Variants in DNAJB1 observed in about 807,000 individuals in gnomAD.
The protein encoded by DNAJB1 is dnaJ homolog subfamily B member 1.
Under a neutral mutation model 24.0 loss-of-function variants are expected in DNAJB1, and 14 were observed. That is an observed-to-expected ratio of 0.58 (90% CI 0.39 to 0.91). The LOEUF (loss-of-function observed/expected upper bound fraction) is 0.91. Among genes scored for constraint, DNAJB1 ranks in the 40% least tolerant of loss-of-function variants. The pLI is 0.00. For missense variants in DNAJB1, 517 were observed against 458.1 expected (o/e 1.13, Z -1.17); for synonymous variants, 262 against 174.4 (o/e 1.50, Z -3.96).
At chr19:14,556,324 C>G (rs1677013860) in intron 1 of DNAJB1, among the ~76,000 whole-genome samples, 1 of 152,002 alleles carries the variant, frequency 6.6e-6, no homozygotes, top group South Asian at 2.1e-4. Flanking sequence ...TCTCTGACCA[C>G]TCTCAAATGG....
At chr19:14,540,474 C>A (rs537407639) in intron 1 of DNAJB1, among the ~76,000 whole-genome samples, 2 of 151,910 alleles carry the variant, frequency 1.3e-5, no homozygotes, top group African/African-American at 4.8e-5. Context: ...CTCTCTGCAA[C>A]CTCTGCGTCT....
At chr19:14,523,614 G>GTTTTTTT (rs1260679879) in intron 2 of DNAJB1, among the ~76,000 whole-genome samples, 2 of 138,404 alleles carry the variant, frequency 1.4e-5, no homozygotes, top group African/African-American at 5.6e-5. Context: ...ACCCGGCCTT[G>GTTTTTTT]TTTTTGTTTT....
At chr19:14,522,522 C>T (rs1475518567), upstream of DNAJB1, among the ~76,000 whole-genome samples, 1 of 148,588 alleles carries the variant, frequency 6.7e-6, no homozygotes, top group Non-Finnish European at 1.5e-5. Context: ...ACACTGAAAG[C>T]AAACACTGAG....
upstream of DNAJB1, among the ~76,000 whole-genome samples, chr19:14,560,292 A>T (rs933725874): frequency 1.3e-5 from 2 of 152,118 alleles, no homozygotes; most frequent in South Asian, 4.1e-4. Context: ...TTGTATTTTA[A>T]GCTGTTGAGT....
At position 14,516,859 on chromosome 19, in the gene DNAJB1, G is replaced by A. The variant is rs1568380125; in HGVS notation, c.399C>T (p.Gly133=). ...EGMDIDDPFS[G]FPMGMGGFTN... ...TGAAGCCACCCATGCCCATAGGGAA[G>A]CCAGAGAATGGGTCATCAATGTCCA... The change falls in exon 2 of 3, where the codon GGC becomes GGT. Residue 133 remains glycine, a synonymous_variant. Coordinates refer to ENST00000254322, the MANE Select transcript of DNAJB1 (RefSeq NM_006145.3). 6.2e-7 allele frequency: 1 copy of A among 1,614,110 alleles called. No individual in the cohort carries two copies. Among genetic ancestry groups the A allele is most frequent in the Non-Finnish European group, 8.5e-7 (1 of 1,180,036 alleles).
At chr19:14,542,662 C>T (rs897013545) in intron 1 of DNAJB1, among the ~76,000 whole-genome samples, 1 of 152,122 alleles carries the variant, frequency 6.6e-6, no homozygotes, top group Non-Finnish European at 1.5e-5. Context: ...TGCACCTGCC[C>T]ACCATGGTGT....
At chr19:14,539,711 C>T (rs1462810661) in intron 1 of DNAJB1, among the ~76,000 whole-genome samples, 1 of 152,126 alleles carries the variant, frequency 6.6e-6, no homozygotes, top group Non-Finnish European at 1.5e-5. Flanking sequence ...GATGCCCTTC[C>T]CTCTGCTTTC....
In DNAJB1 at chr19:14,515,755, C is replaced by G. The variant is rs376590719; in HGVS notation, c.*185G>C. ...TCCCACCACCTGATGCCCTATAGCT[C>G]GAAAAACCACTGAAGTCTAGTGTGC... On this transcript the variant is annotated 3_prime_UTR_variant, in exon 3 of 3. Coordinates refer to ENST00000254322, the MANE Select transcript of DNAJB1 (RefSeq NM_006145.3). 1,255 of 600,454 alleles carry G rather than the reference C, an allele frequency of 2.1e-3. 27 individuals are homozygous for G. The South Asian group carries it at 0.027, about 13-fold the overall frequency. 37.2% of individuals were successfully genotyped at this position (600,454 alleles called of 1,614,324 possible).
At chr19:14,547,963 CTTTTT>C (rs1043298294) in intron 1 of DNAJB1, among the ~76,000 whole-genome samples, 1 of 125,672 alleles carries the variant, frequency 8.0e-6, no homozygotes. Flanking sequence ...ATGGGCATTT[CTTTTT>C]TTTTTTTTTT....
In DNAJB1 at chr19:14,543,419, ATTTTTTTTTTTTTTTTTTT is replaced by A. The variant is rs1169742953; in HGVS notation, c.-214+6770_-214+6788del. 7.7e-3 allele frequency among the ~76,000 whole-genome samples: 169 copies of A among 21,818 alleles called. 4 individuals carry two copies. The highest frequency in any genetic ancestry group is 0.011 in the African/African-American group (43 of 4,060). 14.3% of individuals were successfully genotyped at this position (21,818 alleles called of 152,430 possible). A position where few individuals can be genotyped will look rare whatever the true frequency, so the allele number is the denominator to read the frequency against. On this transcript the variant is annotated intron_variant, in intron 1 of 3. Coordinates refer to the DNAJB1 transcript ENST00000676982. ...TATATATATATATATATATATATAT[ATTTTTTTTTTTTTTTTTTT>A]TTTTTTTTTTTTTTTTTTGAGACGG...
In DNAJB1 at chr19:14,516,384, A is replaced by G. The variant is rs569851406; in HGVS notation, c.792+82T>C. ...AAGCCTGGCACGCACCACACACCCC[A>G]ACACATTGGTTCAGCAAATACTAAA... is the stretch of plus-strand genomic sequence containing the variant. On this transcript the variant is annotated intron_variant, in intron 2 of 2. Transcript: ENST00000254322. 4 of 1,472,604 alleles carry G rather than the reference A, an allele frequency of 2.7e-6. No homozygotes were observed. The South Asian group carries it at 3.7e-5, about 14-fold the overall frequency. The allele number at this position is 1,472,604 out of a possible 1,614,324, so 91.2% of individuals were successfully genotyped here.
Position 14,517,933 on chromosome 19 carries a change from C to T in DNAJB1, c.211+206G>A, listed in dbSNP as rs552477258. The T allele has an allele frequency of 4.5e-4, 216 of 483,926 alleles. 8 individuals carry two copies. In the South Asian group the frequency reaches 7.2e-3, roughly 16 times the overall value. 30.0% of individuals were successfully genotyped at this position (483,926 alleles called of 1,614,324 possible). On this transcript the variant is annotated intron_variant, in intron 1 of 2. Coordinates refer to ENST00000254322, the MANE Select transcript of DNAJB1 (RefSeq NM_006145.3). ...GGGGCAGCCCCAGACATGCTAGAAG[C>T]TTCTGGCCGAGCGGCTGGGCCAAGG...
At chr19:14,539,998 G>C (rs2073040812) in intron 1 of DNAJB1, among the ~76,000 whole-genome samples, 1 of 151,352 alleles carries the variant, frequency 6.6e-6, no homozygotes, top group African/African-American at 2.4e-5. Flanking sequence ...TCCTGCCTCA[G>C]CCTCCTGAGT....
chr19:14,535,543 A>T (rs868645584), intron 1 of DNAJB1, among the ~76,000 whole-genome samples: 2 of 32,690 alleles, frequency 6.1e-5, no homozygotes, highest in African/African-American at 1.7e-4. Flanking sequence ...AAAAAAAAAA[A>T]ATATATATAT....
chr19:14,551,575 T>A (rs2073506846), upstream of DNAJB1, among the ~76,000 whole-genome samples: 1 of 152,150 alleles, frequency 6.6e-6, no homozygotes, highest in African/African-American at 2.4e-5. Context: ...CGCCCCTGCT[T>A]TTCTAGGCCC....
intron 2 of DNAJB1, among the ~76,000 whole-genome samples, chr19:14,526,874 C>G (rs563140357): frequency 6.6e-6 from 1 of 152,212 alleles, no homozygotes; most frequent in East Asian, 1.9e-4. Context: ...CCCTCACAAT[C>G]AAGTACCTCA....
At chr19:14,522,683 G>GACACACAGACAGACAC (rs751484199), upstream of DNAJB1, among the ~76,000 whole-genome samples, 30 of 117,930 alleles carry the variant, frequency 2.5e-4, no homozygotes, top group African/African-American at 1.0e-3. Flanking sequence ...CACACACACA[G>GACACACAGACAGACAC]ACACACACAC....
intron 1 of DNAJB1, among the ~76,000 whole-genome samples, chr19:14,528,672 GC>G (rs1229417362): frequency 6.6e-6 from 1 of 152,054 alleles, no homozygotes; most frequent in African/African-American, 2.4e-5. Flanking sequence ...GGGCGGGGTG[GC>G]TCAGGCCTGT....
At chr19:14,557,901 A>G (rs575924088) in intron 1 of DNAJB1, among the ~76,000 whole-genome samples, 22 of 151,866 alleles carry the variant, frequency 1.4e-4, no homozygotes, top group Middle Eastern at 3.4e-3. Context: ...GACTACAGGC[A>G]CCCACCACCG....
Sources: allele counts gnomAD v4.1 joint callset (sites outside exome capture counted in the v4.1 genomes callset), GRCh38; gene constraint gnomAD v4.1.1; transcripts MANE v1.5; gene names NCBI Gene and HGNC (gene_info 2026-07-23, HGNC 2026-07-21).